The following PIBF1 variants were observed in gnomAD, a reference collection of about 807,000 sequenced individuals.
PIBF1 encodes the protein progesterone-induced-blocking factor 1.
In PIBF1, 90 loss-of-function variants were observed where a neutral mutation model predicts 112.5. The observed-to-expected ratio is 0.80, with a 90% CI of 0.67 to 0.95. PIBF1 has a LOEUF of 0.95. PIBF1 is among the 40% of genes least tolerant of loss of function. The pLI is 0.00. For missense variants in PIBF1, 915 were observed against 852.3 expected, an observed-to-expected ratio of 1.07 and a Z score of -0.92; for synonymous variants, 301 against 288.6, an observed-to-expected ratio of 1.04 and a Z score of -0.44.
intron 12 of PIBF1, among the ~76,000 whole-genome samples, chr13:72,913,023 A>G (rs1283647008): frequency 6.6e-6 from 1 of 151,722 alleles, no homozygotes; most frequent in Non-Finnish European, 1.5e-5. Flanking sequence ...GACAGAAGTA[A>G]TCTATGATGA....
chr13:72,951,914 C>T (rs1299738470), intron 14 of PIBF1, among the ~76,000 whole-genome samples: 1 of 151,188 alleles, frequency 6.6e-6, no homozygotes, highest in Non-Finnish European at 1.5e-5. Flanking sequence ...ATTGGCCAGG[C>T]TGGTCTTGTT....
chr13:72,832,832 G>T (rs2037185707), intron 8 of PIBF1, among the ~76,000 whole-genome samples: 1 of 152,140 alleles, frequency 6.6e-6, no homozygotes, highest in African/African-American at 2.4e-5. Context: ...CTAGGTTGGG[G>T]AAGTTCTCCT....
intron 14 of PIBF1, among the ~76,000 whole-genome samples, chr13:72,939,452 T>A (rs1201228923): frequency 6.6e-6 from 1 of 152,188 alleles, no homozygotes; most frequent in Non-Finnish European, 1.5e-5. Flanking sequence ...TTCATCTGGA[T>A]ATGTTTCATA....
intron 9 of PIBF1, among the ~76,000 whole-genome samples, chr13:72,838,522 A>G (rs1339814475): frequency 6.6e-6 from 1 of 152,260 alleles, no homozygotes; most frequent in Non-Finnish European, 1.5e-5. Context: ...GGGGTCCCTC[A>G]TGGTCAGAAC....
At chr13:72,956,368 CCAACCACCACTGA>C (rs2042445929) in intron 14 of PIBF1, among the ~76,000 whole-genome samples, 1 of 151,874 alleles carries the variant, frequency 6.6e-6, no homozygotes, top group Non-Finnish European at 1.5e-5. Flanking sequence ...TGACCAAATG[CCAACCACCACTGA>C]CACACATACA....
At chr13:72,919,435 T>C (rs2041217097) in intron 13 of PIBF1, among the ~76,000 whole-genome samples, 1 of 152,178 alleles carries the variant, frequency 6.6e-6, no homozygotes, top group South Asian at 2.1e-4. Flanking sequence ...TTTTAAAAAA[T>C]CAGTCCCATT....
intron 16 of PIBF1, among the ~76,000 whole-genome samples, chr13:72,978,389 G>A (rs923758021): frequency 1.3e-5 from 2 of 152,108 alleles, no homozygotes; most frequent in African/African-American, 2.4e-5. Context: ...CTGTGATTAC[G>A]TAGTCAAAAC....
Position 72,821,882 on chromosome 13 carries a change from G to A in PIBF1, c.706G>A (p.Val236Ile). ...GGAAGATCGAAAAAACTACTCTGAA[G>A]TTCAAATTAGATGTCAACGTTTGGC... ...YEEDRKNYSE[V>I]QIRCQRLALE... is the part of the protein sequence containing the mutation. Residue 236 changes from valine (V) to isoleucine (I), a missense_variant, in exon 6 of 18, where the codon GTT (valine) becomes ATT (isoleucine). Physicochemically the swap from Val to Ile is conservative, Grantham distance 29. Transcript: ENST00000326291. The A allele has an allele frequency of 6.2e-7, 1 of 1,612,658 alleles. No individual in the cohort carries two copies. Among genetic ancestry groups the A allele is most frequent in the Non-Finnish European group, 8.5e-7 (1 of 1,179,160 alleles).
intron 6 of PIBF1, among the ~76,000 whole-genome samples, chr13:72,824,293 A>G (rs1202730589): frequency 6.6e-6 from 1 of 151,818 alleles, no homozygotes; most frequent in Non-Finnish European, 1.5e-5. Flanking sequence ...CTGAGATGAC[A>G]GGTGTGAGCC....
At chr13:72,959,852 G>A (rs926458137) in intron 14 of PIBF1, among the ~76,000 whole-genome samples, 7 of 152,202 alleles carry the variant, frequency 4.6e-5, no homozygotes, top group South Asian at 2.1e-4. Flanking sequence ...CACTTATTAC[G>A]TATATGATTC....
chr13:72,903,019 C>A (rs1350251508), intron 11 of PIBF1, among the ~76,000 whole-genome samples: 1 of 151,968 alleles, frequency 6.6e-6, no homozygotes, highest in Non-Finnish European at 1.5e-5. Context: ...CCTCAGCCTC[C>A]CGAGTAGCTA....
chr13:72,941,987 G>A (rs2042023283), intron 14 of PIBF1, among the ~76,000 whole-genome samples: 1 of 152,154 alleles, frequency 6.6e-6, no homozygotes, highest in Admixed American at 6.6e-5. Flanking sequence ...TATGAAATGA[G>A]CTTTATTGGT....
chr13:72,868,996 GA>G (rs980806779), intron 10 of PIBF1, among the ~76,000 whole-genome samples: 3 of 152,016 alleles, frequency 2.0e-5, no homozygotes, highest in African/African-American at 4.8e-5. Context: ...GGAGAAATAG[GA>G]ACACTTTTAC....
At chr13:72,792,653 A>ATG in intron 3 of PIBF1, 106 bp downstream of exon 3, 1 of 601,862 alleles carries the variant, frequency 1.7e-6, no homozygotes, top group South Asian at 2.4e-5. Context: ...GAGAAATTTT[A>ATG]AGTCAGAGAT....
chr13:72,916,424 T>C (rs1267521804), intron 12 of PIBF1, among the ~76,000 whole-genome samples: 1 of 150,586 alleles, frequency 6.6e-6, no homozygotes, highest in Admixed American at 6.6e-5. Context: ...ATTTTTTTAA[T>C]CCCAACTTGC....
rs749515798 is a variant in PIBF1, at chr13:73,015,906, A to C, written c.2261A>C (p.Lys754Thr). 1.3e-6 allele frequency: 2 copies of C among 1,589,238 alleles called. No individual in the cohort carries two copies. The highest frequency in any genetic ancestry group is 1.7e-5 in the Admixed American group (1 of 57,284). Residue 754 changes from lysine (K) to threonine (T), a missense_variant, in exon 18 of 18, where the codon AAG (lysine) becomes ACG (threonine). Transcript: ENST00000326291. ...KEAPEWSKKQKMKT is the reference protein window; with the variant it reads ...KEAPEWSKKQTMKT ...GCACCTGAGTGGTCTAAGAAACAAA[A>C]GATGAAGACCTAGTGTTTTGGATGG... is the stretch of plus-strand genomic sequence containing the variant.
intron 3 of PIBF1, among the ~76,000 whole-genome samples, chr13:72,793,683 T>C (rs553615763): frequency 8.4e-4 from 128 of 152,230 alleles, no homozygotes; most frequent in African/African-American, 3.0e-3. Flanking sequence ...TCATAAAAAA[T>C]GGTTGGATTC....
intron 17 of PIBF1, among the ~76,000 whole-genome samples, chr13:73,004,765 G>A (rs888256857): frequency 1.3e-5 from 2 of 152,136 alleles, no homozygotes; most frequent in African/African-American, 4.8e-5. Context: ...GGGCTAGGGG[G>A]TATGGGGATT....
intron 14 of PIBF1, among the ~76,000 whole-genome samples, chr13:72,931,717 CGT>C (rs1491176899): frequency 8.6e-4 from 21 of 24,422 alleles, no homozygotes; most frequent in African/African-American, 2.1e-3. Flanking sequence ...ATTTAAACTA[CGT>C]ATATATATAT....
Sources: allele counts gnomAD v4.1 joint callset (sites outside exome capture counted in the v4.1 genomes callset), GRCh38; gene constraint gnomAD v4.1.1; transcripts MANE v1.5; gene names NCBI Gene and HGNC (gene_info 2026-07-23, HGNC 2026-07-21).